Variants in HS3ST3A1 observed in about 807,000 individuals in gnomAD.
The protein encoded by HS3ST3A1 is heparan sulfate-glucosamine 3-sulfotransferase 3A1, also known as heparan sulfate glucosamine 3-O-sulfotransferase 3A1.
HS3ST3A1 carries 19 observed loss-of-function variants against 25.7 expected under a neutral mutation model. That is an observed-to-expected ratio of 0.74 (90% CI 0.52 to 1.08). HS3ST3A1 has a LOEUF of 1.08. HS3ST3A1 is among the 50% of genes least tolerant of loss of function. HS3ST3A1 has a pLI of 0.00. For synonymous variants in HS3ST3A1, 226 were observed against 278.6 expected (o/e 0.81, Z 1.88); for missense variants, 459 against 594.3 (o/e 0.77, Z 2.37).
chr17:13,554,657 T>C (rs1907324592), intron 1 of HS3ST3A1, among the ~76,000 whole-genome samples: 1 of 152,186 alleles, frequency 6.6e-6, no homozygotes, highest in East Asian at 1.9e-4. Context: ...CAAGGCAATC[T>C]AGTTCGAAGC....
intron 1 of HS3ST3A1, among the ~76,000 whole-genome samples, chr17:13,532,358 CA>C (rs1490322655): frequency 6.6e-6 from 1 of 152,082 alleles, no homozygotes; most frequent in African/African-American, 2.4e-5. Context: ...CCAGGAAGAC[CA>C]GGGGCTGACC....
rs988892440 is a variant in HS3ST3A1 at position 13,534,723 on chromosome 17, T to C, written c.600-37905A>G. ...CAGCCTGGGCAACAGAGTGACACCC[T>C]GTCTCAAAAAAATAAATAATGGCAG... On this transcript the variant is annotated intron_variant, in intron 1 of 1. Transcript: ENST00000284110. Among the ~76,000 whole-genome samples, 3 of 151,994 alleles carry C rather than the reference T, an allele frequency of 2.0e-5. No individual in the cohort carries two copies. In the East Asian group the frequency reaches 5.8e-4, roughly 29 times the overall value.
In HS3ST3A1 at chr17:13,494,877, G is replaced by C. The variant is rs1905226638; in HGVS notation, c.*1320C>G. Among the ~76,000 whole-genome samples, 1 of 152,088 alleles carries C rather than the reference G, an allele frequency of 6.6e-6. No homozygotes were observed. The highest frequency in any genetic ancestry group is 1.5e-5 in the Non-Finnish European group (1 of 68,010). On this transcript the variant is annotated 3_prime_UTR_variant, in exon 2 of 2. Transcript: ENST00000284110. ...ATTTTACCCACAAATGCATTTCCTA[G>C]AATATTTTTCCAAATATTACTGAAC...
At chr17:13,578,131 C>T (rs1226651877) in intron 1 of HS3ST3A1, among the ~76,000 whole-genome samples, 2 of 152,048 alleles carry the variant, frequency 1.3e-5, no homozygotes, top group African/African-American at 4.8e-5. Flanking sequence ...CAGTTTTAGT[C>T]ATAGTGAAAT....
rs1176517112 is a variant in HS3ST3A1, at chr17:13,550,806, C to T, written c.599+49725G>A. Among the ~76,000 whole-genome samples, 3 of 152,136 alleles carry T rather than the reference C, an allele frequency of 2.0e-5. No homozygotes were observed. In the East Asian group the frequency reaches 5.8e-4, roughly 29 times the overall value. On this transcript the variant is annotated intron_variant, in intron 1 of 1. Transcript: ENST00000284110. ...AAATCAGGCCCGGCGCAGTGGCTCA[C>T]GCCTGTAATCCCAGCACTTTGGGAG... is the stretch of plus-strand genomic sequence containing the variant.
At chr17:13,600,413 C>T in intron 1 of HS3ST3A1, 118 bp downstream of exon 1, 1 of 1,407,452 alleles carries the variant, frequency 7.1e-7, no homozygotes, top group South Asian at 1.5e-5. Flanking sequence ...GACGACCCTT[C>T]GCCTTCTGCA....
chr17:13,555,477 G>A (rs1387231113), intron 1 of HS3ST3A1, among the ~76,000 whole-genome samples: 1 of 152,136 alleles, frequency 6.6e-6, no homozygotes, highest in African/African-American at 2.4e-5. Context: ...CAGAAATGGG[G>A]CTGAGACTCA....
At chr17:13,597,383 G>C (rs1298281101) in intron 1 of HS3ST3A1, among the ~76,000 whole-genome samples, 1 of 151,966 alleles carries the variant, frequency 6.6e-6, no homozygotes, top group East Asian at 1.9e-4. Context: ...AGAGGTATTC[G>C]GTCCTGACTT....
In HS3ST3A1 at chr17:13,495,787, T is replaced by C. The variant is rs2095775667; in HGVS notation, c.*410A>G. ...ACATATGATAATACTAACTGGGAAA[T>C]AATTTAAGAAAAAGTGGCACGGGAA... On this transcript the variant is annotated 3_prime_UTR_variant, in exon 2 of 2. Transcript: ENST00000284110. 1 of 159,038 alleles carries C rather than the reference T, an allele frequency of 6.3e-6. No individual in the cohort carries two copies. The highest frequency in any genetic ancestry group is 2.4e-5 in the African/African-American group (1 of 41,508). 9.9% of individuals were successfully genotyped at this position (159,038 alleles called of 1,614,324 possible). A position where few individuals can be genotyped will look rare whatever the true frequency, so the allele number is the denominator to read the frequency against.
chr17:13,505,126 G>A (rs1905616671), intron 1 of HS3ST3A1, among the ~76,000 whole-genome samples: 1 of 152,204 alleles, frequency 6.6e-6, no homozygotes, highest in African/African-American at 2.4e-5. Flanking sequence ...GGTATGGAAG[G>A]TAATGGGTGG....
chr17:13,532,893 G>GTT (rs1555538821), intron 1 of HS3ST3A1, among the ~76,000 whole-genome samples: 1 of 110,262 alleles, frequency 9.1e-6, no homozygotes, highest in Non-Finnish European at 1.8e-5. Context: ...GTGTGTGTGT[G>GTT]TATATGTTTA....
intron 1 of HS3ST3A1, among the ~76,000 whole-genome samples, chr17:13,544,342 G>A (rs1430676099): frequency 6.6e-6 from 1 of 152,208 alleles, no homozygotes; most frequent in East Asian, 1.9e-4. Flanking sequence ...CCTGATGGGT[G>A]AGATGCGATC....
rs59870800 is a variant in HS3ST3A1, at chr17:13,571,762, T to A, written c.599+28769A>T. Reference sequence around the variant, plus strand: ...CTGAAATTTTCATAATAATGTTTTGTTGTTGTTGTTGTTTTGAGGTGGAGT... The same window carrying A: ...CTGAAATTTTCATAATAATGTTTTGATGTTGTTGTTGTTTTGAGGTGGAGT... On this transcript the variant is annotated intron_variant, in intron 1 of 1. Transcript: ENST00000284110. Among the ~76,000 whole-genome samples the A allele has an allele frequency of 9.7e-4, 147 of 152,264 alleles. 1 individual carries two copies. In the East Asian group the frequency reaches 0.027, roughly 28 times the overall value.
intron 1 of HS3ST3A1, among the ~76,000 whole-genome samples, chr17:13,577,950 T>C (rs933533859): frequency 1.3e-5 from 2 of 152,122 alleles, no homozygotes; most frequent in African/African-American, 2.4e-5. Flanking sequence ...ATCTTCACAC[T>C]ACCAGAGACA....
chr17:13,531,137 T>C (rs569282291), intron 1 of HS3ST3A1, among the ~76,000 whole-genome samples: 143 of 152,354 alleles, frequency 9.4e-4, no homozygotes, highest in Non-Finnish European at 1.2e-3. Context: ...CACAAAAAGA[T>C]GGCTGTGCAA....
rs1908738007 is a variant in HS3ST3A1 at position 13,601,429 on chromosome 17, C to G, written c.-300G>C. On this transcript the variant is annotated 5_prime_UTR_variant, in exon 1 of 2. Transcript: ENST00000284110. Reference sequence around the variant, plus strand: ...AGTCCTGAGCTTGGGGCAGCCTTGGCCCCTCGGTTCCCCGCAAGAGTCGCC... The same window carrying G: ...AGTCCTGAGCTTGGGGCAGCCTTGGGCCCTCGGTTCCCCGCAAGAGTCGCC... 3.2e-6 allele frequency: 1 copy of G among 316,002 alleles called. No individual in the cohort carries two copies. 19.6% of individuals were successfully genotyped at this position (316,002 alleles called of 1,614,324 possible).
chr17:13,577,116 T>C (rs1907965211), intron 1 of HS3ST3A1, among the ~76,000 whole-genome samples: 1 of 152,190 alleles, frequency 6.6e-6, no homozygotes, highest in South Asian at 2.1e-4. Flanking sequence ...TCTTGAGACT[T>C]ATTCACTATT....
chr17:13,507,837 G>C (rs1340191554), intron 1 of HS3ST3A1, among the ~76,000 whole-genome samples: 1 of 152,158 alleles, frequency 6.6e-6, no homozygotes, highest in East Asian at 1.9e-4. Context: ...GTTCCTGTGG[G>C]TCCTCGATGG....
chr17:13,508,656 G>A (rs1348737744), intron 1 of HS3ST3A1, among the ~76,000 whole-genome samples: 1 of 152,180 alleles, frequency 6.6e-6, no homozygotes, highest in Non-Finnish European at 1.5e-5. Context: ...TTTCTAACAC[G>A]GTAGGCATTG....
Sources: gnomAD v4.1 joint callset for allele counts (sites outside exome capture counted in the v4.1 genomes callset) on GRCh38, gnomAD v4.1.1 for gene constraint, MANE v1.5 for transcripts, NCBI Gene and HGNC (gene_info 2026-07-23, HGNC 2026-07-21) for gene names.